The following CATSPERE variants were observed in gnomAD, a reference collection of about 807,000 sequenced individuals.
CATSPERE encodes catsper channel auxiliary subunit epsilon, also known as cation channel sperm-associated auxiliary subunit epsilon.
A neutral mutation model predicts 114.1 loss-of-function variants in CATSPERE; 93 were observed. That is an observed-to-expected ratio of 0.81 (90% CI 0.69 to 0.97). CATSPERE has a LOEUF of 0.97. Ranked by LOEUF, CATSPERE falls within the 50% of genes least tolerant of loss-of-function variation. The pLI is 0.00. For synonymous variants in CATSPERE, 341 were observed against 384.1 expected (o/e 0.89, Z 1.31); for missense variants, 1,058 against 1,131.6 (o/e 0.93, Z 0.93).
At chr1:244,505,983 G>A (rs1050269474) in intron 7 of CATSPERE, among the ~76,000 whole-genome samples, 2 of 152,124 alleles carry the variant, frequency 1.3e-5, no homozygotes, top group Non-Finnish European at 2.9e-5. Context: ...TCCAGCCTGG[G>A]TGACAGAGCG....
intron 8 of CATSPERE, among the ~76,000 whole-genome samples, chr1:244,526,298 A>C (rs559757846): frequency 6.6e-6 from 1 of 152,156 alleles, no homozygotes; most frequent in East Asian, 1.9e-4. Context: ...AGTCTCAGCT[A>C]CTGGGGAGGC....
intron 2 of CATSPERE, among the ~76,000 whole-genome samples, chr1:244,475,793 C>G (rs982109940): frequency 2.6e-5 from 4 of 152,086 alleles, no homozygotes; most frequent in Non-Finnish European, 4.4e-5. Flanking sequence ...CCTCAGCCTC[C>G]CAAAGTGCTG....
Position 244,511,422 on chromosome 1 carries a change from A to G in CATSPERE, c.430-7170A>G, listed in dbSNP as rs3006034. Among the ~76,000 whole-genome samples the G allele has an allele frequency of 7.2e-3, 1,103 of 152,246 alleles. 13 individuals carry two copies. The highest frequency in any genetic ancestry group is 0.025 in the African/African-American group (1,023 of 41,552). On this transcript the variant is annotated intron_variant, in intron 7 of 21. Transcript: ENST00000366534. ...TTTTTTTTTAATCCATTCAGCCTGT[A>G]AATGTCATTTAAATGGAAAATTCAA... is the stretch of plus-strand genomic sequence containing the variant.
chr1:244,506,363 C>T (rs1041552549), intron 7 of CATSPERE, among the ~76,000 whole-genome samples: 11 of 152,300 alleles, frequency 7.2e-5, no homozygotes, highest in African/African-American at 2.4e-4. Context: ...CATGGATGCA[C>T]AAATATCTGC....
chr1:244,530,413 T>G (rs1462146420), intron 8 of CATSPERE, among the ~76,000 whole-genome samples: 2 of 152,368 alleles, frequency 1.3e-5, no homozygotes, highest in African/African-American at 4.8e-5. Flanking sequence ...CTGTTTTGGT[T>G]ACTGTAGCTC....
intron 20 of CATSPERE, among the ~76,000 whole-genome samples, chr1:244,622,724 G>T (rs1268037576): frequency 6.6e-6 from 1 of 152,006 alleles, no homozygotes; most frequent in African/African-American, 2.4e-5. Context: ...CATCACTTTG[G>T]TTCTTAGATT....
rs942598786 is a variant in CATSPERE, at chr1:244,502,243, G to A, written c.429+3164G>A. Among the ~76,000 whole-genome samples the A allele has an allele frequency of 9.2e-5, 14 of 152,204 alleles. No individual in the cohort carries two copies. The East Asian group carries it at 9.7e-4, about 11-fold the overall frequency. On this transcript the variant is annotated intron_variant, in intron 7 of 21. Transcript: ENST00000366534. ...GATATAGCTAAACCAGATTTGGGGG[G>A]ATGAATATTTGTATGTGGCTGTACA...
chr1:244,531,700 T>C (rs1679629003), intron 8 of CATSPERE, among the ~76,000 whole-genome samples: 1 of 152,324 alleles, frequency 6.6e-6, no homozygotes, highest in African/African-American at 2.4e-5. Flanking sequence ...TAATGAATGA[T>C]ATTTCTAATC....
At chr1:244,569,279 C>G (rs138607396) in intron 10 of CATSPERE, among the ~76,000 whole-genome samples, 250 of 152,348 alleles carry the variant, frequency 1.6e-3, no homozygotes, top group African/African-American at 5.8e-3. Flanking sequence ...ACTGTCTAAC[C>G]AGTCCCAATG....
intron 21 of CATSPERE, among the ~76,000 whole-genome samples, chr1:244,638,419 C>T (rs951976745): frequency 2.6e-5 from 4 of 152,156 alleles, no homozygotes; most frequent in Non-Finnish European, 4.4e-5. Flanking sequence ...GTAAAGAAAG[C>T]CTCACCCTCC....
chr1:244,606,661 G>A (rs1411535592), intron 18 of CATSPERE, among the ~76,000 whole-genome samples: 1 of 148,604 alleles, frequency 6.7e-6, no homozygotes, highest in African/African-American at 2.5e-5. Flanking sequence ...GAGTGCAGTG[G>A]TGCAGTCTCA....
chr1:244,617,224 G>C lies in CATSPERE; in HGVS notation c.2491-305G>C, dbSNP rs867074376. 2.6e-5 allele frequency among the ~76,000 whole-genome samples: 4 copies of C among 152,216 alleles called. 1 individual carries two copies. Among genetic ancestry groups the C allele is most frequent in the Middle Eastern group, 6.8e-3 (2 of 294 alleles). ...GTACCTTATGATCAAAACTGTTTCTGTCCCCAATTAAGCATCTTTGGAACA... is the reference window on the plus strand; with the variant it reads ...GTACCTTATGATCAAAACTGTTTCTCTCCCCAATTAAGCATCTTTGGAACA... On this transcript the variant is annotated intron_variant, in intron 19 of 21. Transcript: ENST00000366534.
At chr1:244,630,574 G>A (rs534651739) in intron 20 of CATSPERE, among the ~76,000 whole-genome samples, 12 of 152,082 alleles carry the variant, frequency 7.9e-5, no homozygotes, top group East Asian at 3.9e-4. Flanking sequence ...ATCAGTCTTC[G>A]GAACAGTTCA....
intron 17 of CATSPERE, among the ~76,000 whole-genome samples, chr1:244,603,223 C>A (rs957003020): frequency 6.6e-6 from 1 of 151,992 alleles, no homozygotes; most frequent in Non-Finnish European, 1.5e-5. Flanking sequence ...TTCCGCAGAC[C>A]CCCTAGAGTC....
At position 244,640,433 on chromosome 1, in the gene CATSPERE, C is replaced by A. The variant is rs1675205930; in HGVS notation, c.*352C>A. On this transcript the variant is annotated 3_prime_UTR_variant, in exon 22 of 22. Coordinates refer to ENST00000366534, the MANE Select transcript of CATSPERE (RefSeq NM_001130957.2). Reference sequence around the variant, plus strand: ...AAGTATCATTTTGCATGAAACTTTTCACATGAAACCTTATATGACTGTAGT... The same window carrying A: ...AAGTATCATTTTGCATGAAACTTTTAACATGAAACCTTATATGACTGTAGT... 6.1e-6 allele frequency: 1 copy of A among 163,698 alleles called. No homozygotes were observed. Among genetic ancestry groups the A allele is most frequent in the Non-Finnish European group, 1.3e-5 (1 of 76,110 alleles). The allele number at this position is 163,698 out of a possible 1,614,324, so 10.1% of individuals were successfully genotyped here. A position where few individuals can be genotyped will look rare whatever the true frequency, so the allele number is the denominator to read the frequency against.
chr1:244,576,172 C>T lies in CATSPERE; in HGVS notation c.1950+3400C>T, dbSNP rs570874644. Reference sequence around the variant, plus strand: ...GGATCCTTTACTCCAGGTTGCCAGCCAGTTTCTTTCCATATTGCTGAGAGT... The same window carrying T: ...GGATCCTTTACTCCAGGTTGCCAGCTAGTTTCTTTCCATATTGCTGAGAGT... On this transcript the variant is annotated intron_variant, in intron 11 of 21. Transcript: ENST00000366534. Among the ~76,000 whole-genome samples the T allele has an allele frequency of 3.3e-5, 5 of 152,104 alleles. No individual in the cohort carries two copies. In the East Asian group the frequency reaches 5.9e-4, roughly 18 times the overall value.
At chr1:244,553,616 C>CACACACATATATACAT (rs1661069319) in intron 9 of CATSPERE, among the ~76,000 whole-genome samples, 6 of 130,182 alleles carry the variant, frequency 4.6e-5, no homozygotes, top group African/African-American at 1.9e-4. Flanking sequence ...CACACACACA[C>CACACACATATATACAT]ACACACACAC....
intron 7 of CATSPERE, among the ~76,000 whole-genome samples, chr1:244,506,724 G>A (rs1252993252): frequency 6.6e-6 from 1 of 152,024 alleles, no homozygotes; most frequent in Admixed American, 6.6e-5. Flanking sequence ...CAGGGTAATT[G>A]GGATATCCAT....
intron 13 of CATSPERE, among the ~76,000 whole-genome samples, chr1:244,587,496 G>A (rs1407255922): frequency 2.0e-5 from 3 of 152,146 alleles, no homozygotes; most frequent in Non-Finnish European, 4.4e-5. Flanking sequence ...TTTCTCCCCT[G>A]TATCCCAAAG....
Sources: allele counts gnomAD v4.1 joint callset (sites outside exome capture counted in the v4.1 genomes callset), GRCh38; gene constraint gnomAD v4.1.1; transcripts MANE v1.5; gene names NCBI Gene and HGNC (gene_info 2026-07-23, HGNC 2026-07-21).